CARNS1: variants seen among roughly 807,000 people sequenced by gnomAD.
The protein encoded by CARNS1 is carnosine synthase 1, also known as ATP-grasp domain containing 1.
In CARNS1, 61 loss-of-function variants were observed where a neutral mutation model predicts 74.0. That is an observed-to-expected ratio of 0.82 (90% CI 0.67 to 1.02). The LOEUF (loss-of-function observed/expected upper bound fraction) is 1.02. Ranked by LOEUF, CARNS1 falls within the 50% of genes least tolerant of loss-of-function variation. The pLI is 0.00. For missense variants in CARNS1, 1,278 were observed against 1,308.4 expected (o/e 0.98, Z 0.36); for synonymous variants, 568 against 605.5 (o/e 0.94, Z 0.91).
rs561852079 is a variant in CARNS1 at position 67,415,992 on chromosome 11, A to C, written c.-24-184A>C. The C allele has an allele frequency of 2.6e-4, 144 of 563,096 alleles. No homozygotes were observed. The East Asian group carries it at 4.7e-3, about 18-fold the overall frequency. The allele number at this position is 563,096 out of a possible 1,614,324, so 34.9% of individuals were successfully genotyped here. On this transcript the variant is annotated intron_variant, in intron 1 of 9. Transcript: ENST00000687366. ...TGTGAGCCGCACTGGGGCAGGAGCCACTCGGTCTGGGCAGCAGAAATCCCT... is the reference window on the plus strand; with the variant it reads ...TGTGAGCCGCACTGGGGCAGGAGCCCCTCGGTCTGGGCAGCAGAAATCCCT...
At chr11:67,421,282 C>T (rs1863697383) in intron 9 of CARNS1, 63 bp downstream of exon 9, 2 of 1,371,996 alleles carry the variant, frequency 1.5e-6, no homozygotes, top group Non-Finnish European at 1.9e-6. Context: ...AGGCGGGACC[C>T]CGGGGCGGGG....
chr11:67,417,287 C>CG (rs1863566298), intron 2 of CARNS1, 120 bp from the exon 3 acceptor site: 1 of 1,242,736 alleles, frequency 8.0e-7, no homozygotes, highest in Middle Eastern at 2.1e-4. Context: ...TCCTAGTCCC[C>CG]GGGACGGTGT....
chr11:67,419,886 GC>G, intron 7 of CARNS1, 48 bp downstream of exon 7: 1 of 1,539,286 alleles, frequency 6.5e-7, no homozygotes, highest in South Asian at 1.2e-5. Context: ...CCACACGCCA[GC>G]CCAGTCCCAG....
intron 2 of CARNS1, chr11:67,416,403 C>A: frequency 7.1e-7 from 1 of 1,410,782 alleles, no homozygotes; most frequent in South Asian, 1.5e-5. Flanking sequence ...GACATTCATT[C>A]ATTCCATGGC....
Position 67,419,844 on chromosome 11 carries a change from C to A in CARNS1, c.1113+6C>A, listed in dbSNP as rs777889889. On this transcript the variant is annotated splice_donor_region_variant and intron_variant, in intron 7 of 9. Coordinates refer to ENST00000687366, the MANE Select transcript of CARNS1 (RefSeq NM_001166222.2). ...ATAGGCCACTGCTGAGCAAGGTGAG[C>A]GTGGCCCAGGCCCAGGCTGTGACCC... 6.4e-6 allele frequency: 10 copies of A among 1,571,150 alleles called. No homozygotes were observed. In the Admixed American group the frequency reaches 9.3e-5, roughly 15 times the overall value.
intron 5 of CARNS1, 67 bp downstream of exon 5, chr11:67,419,310 C>T (rs907333444): frequency 1.4e-6 from 2 of 1,467,082 alleles, no homozygotes; most frequent in Middle Eastern, 2.1e-4. Flanking sequence ...GGCACGGTTA[C>T]CAAGTCTGGC....
chr11:67,424,841 C>A lies in CARNS1; in HGVS notation c.*240C>A. ...GCCTACAGCTTCCCCAGCATTCTAG[C>A]CTTGGAGAAATGACAATGGCCACAC... On this transcript the variant is annotated 3_prime_UTR_variant, in exon 10 of 10. Transcript: ENST00000687366. The A allele has an allele frequency of 3.2e-6, 2 of 622,538 alleles. No homozygotes were observed. The highest frequency in any genetic ancestry group is 2.9e-6 in the Non-Finnish European group (1 of 343,346). 38.6% of individuals were successfully genotyped at this position (622,538 alleles called of 1,614,324 possible).
intron 7 of CARNS1, among the ~76,000 whole-genome samples, 188 bp downstream of exon 7, chr11:67,420,026 C>A (rs560649410): frequency 9.8e-5 from 15 of 152,310 alleles, no homozygotes; most frequent in Non-Finnish European, 1.9e-4. Context: ...CTTCCAGAAT[C>A]CCTCCCACAC....
chr11:67,416,110 A>C, intron 1 of CARNS1, 66 bp from the exon 2 acceptor site: 1 of 986,258 alleles, frequency 1.0e-6, no homozygotes, highest in Non-Finnish European at 1.6e-6. Flanking sequence ...TAGGGGCTGG[A>C]AGGCCAGGCA....
chr11:67,419,909 C>T, intron 7 of CARNS1, 71 bp downstream of exon 7: 1 of 1,479,656 alleles, frequency 6.8e-7, no homozygotes, highest in Non-Finnish European at 9.2e-7. Context: ...AGTGGTTTGC[C>T]AAGGGCCCCT....
At position 67,421,124 on chromosome 11, in the gene CARNS1, C is replaced by A; in HGVS notation, c.1531C>A (p.Arg511Ser). Reference protein sequence around the residue: ...LVETMLRRSARCLMEGKQLLV... With the variant: ...LVETMLRRSASCLMEGKQLLV... The stretch of plus-strand genomic sequence containing the variant: ...GGAGACCATGCTTCGGCGGTCGGCG[C>A]GCTGCCTCATGGAGGGAAAACAGCT... The change falls in exon 9 of 10, where the codon CGC becomes AGC. Residue 511 changes from arginine to serine, a missense_variant. Around this residue, in one of 3 missense-constraint regions of CARNS1, gnomAD observed 1,164 missense variants for 1,156.5 expected, o/e 1.01. Transcript: ENST00000687366. 6.8e-7 allele frequency: 1 copy of A among 1,468,656 alleles called. No homozygotes were observed. The allele number at this position is 1,468,656 out of a possible 1,614,324, so 91.0% of individuals were successfully genotyped here. A position where few individuals can be genotyped will look rare whatever the true frequency, so the allele number is the denominator to read the frequency against.
At position 67,424,513 on chromosome 11, in the gene CARNS1, C is replaced by T. The variant is rs771299553; in HGVS notation, c.2765C>T (p.Ala922Val). 5.7e-5 allele frequency: 90 copies of T among 1,592,682 alleles called. No homozygotes were observed. In the East Asian group the frequency reaches 1.3e-3, roughly 23 times the overall value. The change falls in exon 10 of 10, where the codon GCC (alanine) becomes GTC (valine). Residue 922 changes from alanine to valine, a missense_variant. By Grantham distance (64) the Ala-to-Val change is moderately conservative. Transcript: ENST00000687366. ...VACAGPSPTE[A>V]RLRLLGLCQG... is the part of the protein sequence containing the mutation. ...TGTGCCGGACCCAGCCCCACCGAGG[C>T]CCGTCTCCGCCTGCTGGGCCTCTGC...
In CARNS1 at chr11:67,418,751, C is replaced by G. The variant is rs763685332; in HGVS notation, c.365-5C>G. The G allele has an allele frequency of 5.7e-6, 9 of 1,578,384 alleles. No homozygotes were observed. The highest frequency in any genetic ancestry group is 7.8e-6 in the Non-Finnish European group (9 of 1,161,060). ...TGGCCAGCCACTTGCCTTCTCTGCCCACAGGAAACATGCTCCTTTGCCTGT... is the reference window on the plus strand; with the variant it reads ...TGGCCAGCCACTTGCCTTCTCTGCCGACAGGAAACATGCTCCTTTGCCTGT... On this transcript the variant is annotated splice_region_variant and splice_polypyrimidine_tract_variant and intron_variant, in intron 4 of 9. Coordinates refer to ENST00000687366, the MANE Select transcript of CARNS1 (RefSeq NM_001166222.2).
chr11:67,418,587 C>T, intron 4 of CARNS1, 67 bp downstream of exon 4: 1 of 1,466,452 alleles, frequency 6.8e-7, no homozygotes, highest in South Asian at 1.3e-5. Context: ...GGCCCAGCCA[C>T]ATCCCAAAAT....
Position 67,416,156 on chromosome 11 carries a change from C to A in CARNS1, c.-24-20C>A. On this transcript the variant is annotated intron_variant, in intron 1 of 9. Transcript: ENST00000687366. ...TGCCCTGACTCCTTCGTCTCTCTGTCCCTCTGTCTCTGCCATCAGTCTCTC... is the reference window on the plus strand; with the variant it reads ...TGCCCTGACTCCTTCGTCTCTCTGTACCTCTGTCTCTGCCATCAGTCTCTC... The A allele has an allele frequency of 7.1e-7, 1 of 1,408,748 alleles. No individual in the cohort carries two copies. Among genetic ancestry groups the A allele is most frequent in the Non-Finnish European group, 9.7e-7 (1 of 1,029,916 alleles). The allele number at this position is 1,408,748 out of a possible 1,614,324, so 87.3% of individuals were successfully genotyped here.
intron 5 of CARNS1, 108 bp from the exon 6 acceptor site, chr11:67,419,378 TC>T: frequency 6.7e-7 from 1 of 1,490,490 alleles, no homozygotes. Context: ...TCTGGGGCAA[TC>T]CCCTGCCCTT....
rs74480295 is a variant in CARNS1 at position 67,416,441 on chromosome 11, C to T, written c.3+239C>T. The T allele has an allele frequency of 1.3e-4, 178 of 1,363,262 alleles. No individual in the cohort carries two copies. The African/African-American group carries it at 2.5e-3, about 19-fold the overall frequency. 84.4% of individuals were successfully genotyped at this position (1,363,262 alleles called of 1,614,324 possible). The stretch of plus-strand genomic sequence containing the variant: ...CTCAGGGAGCTCACCTTCTAGGAGA[C>T]GGCACAGAGGCTCTGGCCCTGGCAA... On this transcript the variant is annotated intron_variant, in intron 2 of 9. Coordinates refer to ENST00000687366, the MANE Select transcript of CARNS1 (RefSeq NM_001166222.2).
chr11:67,415,972 G>A, intron 1 of CARNS1: 1 of 560,274 alleles, frequency 1.8e-6, no homozygotes, highest in South Asian at 1.9e-5. Context: ...GGACCTGTGA[G>A]CCGCACTGGG....
chr11:67,424,888 CACA>C lies in CARNS1; in HGVS notation c.*288_*290del. On this transcript the variant is annotated 3_prime_UTR_variant, in exon 10 of 10. Coordinates refer to ENST00000687366, the MANE Select transcript of CARNS1 (RefSeq NM_001166222.2). ...ACACACACACACACACACACACACA[CACA>C]CCTCTGACGCCAGCTCCCCAGGTGG... 1.6e-6 allele frequency: 1 copy of C among 631,268 alleles called. No homozygotes were observed. The allele number at this position is 631,268 out of a possible 1,614,324, so 39.1% of individuals were successfully genotyped here.
Sources: allele counts gnomAD v4.1 joint callset (sites outside exome capture counted in the v4.1 genomes callset), GRCh38; gene constraint gnomAD v4.1.1; regional missense constraint gnomAD v4.1.1; transcripts MANE v1.5; gene names NCBI Gene and HGNC (gene_info 2026-07-23, HGNC 2026-07-21).